Variants in RAD50 observed in about 807,000 individuals in gnomAD.
The protein encoded by RAD50 is DNA repair protein RAD50.
Under a neutral mutation model 168.8 loss-of-function variants are expected in RAD50, and 132 were observed. That is an observed-to-expected ratio of 0.78 (90% CI 0.68 to 0.90). The LOEUF is 0.90. RAD50 is among the 40% of genes least tolerant of loss of function. The pLI is 0.00. For synonymous variants in RAD50, 525 were observed against 497.4 expected, an observed-to-expected ratio of 1.06 and a Z score of -0.74; for missense variants, 1,347 against 1,534.4, an observed-to-expected ratio of 0.88 and a Z score of 2.04.
chr5:132,579,990 T>G lies in RAD50; in HGVS notation c.680T>G (p.Ile227Ser), dbSNP rs786203447. 4 of 1,613,326 alleles carry G rather than the reference T, an allele frequency of 2.5e-6. No homozygotes were observed. Among genetic ancestry groups the G allele is most frequent in the Non-Finnish European group, 3.4e-6 (4 of 1,179,356 alleles). Residue 227 changes from isoleucine to serine, a missense_variant, in exon 5 of 25, where the codon ATT (isoleucine) becomes AGT (serine). Physicochemically the swap from Ile to Ser is moderately radical, Grantham distance 142. Coordinates refer to ENST00000378823, the MANE Select transcript of RAD50 (RefSeq NM_005732.4). Reference sequence around the variant, plus strand: ...AAAGCTTGTGAGATTCGTGATCAGATTACAAGTAAGGAAGCCCAGTTAACA... The same window carrying G: ...AAAGCTTGTGAGATTCGTGATCAGAGTACAAGTAAGGAAGCCCAGTTAACA... ...KEKACEIRDQ[I>S]TSKEAQLTSS... is the part of the protein sequence containing the mutation.
chr5:132,625,439 G>A (rs977690334), intron 21 of RAD50, among the ~76,000 whole-genome samples: 7 of 151,946 alleles, frequency 4.6e-5, no homozygotes, highest in South Asian at 2.1e-4. Context: ...CTATATAGCC[G>A]GTATATTTAT....
At chr5:132,565,248 T>A (rs924168978) in intron 2 of RAD50, among the ~76,000 whole-genome samples, 1 of 151,988 alleles carries the variant, frequency 6.6e-6, no homozygotes, top group African/African-American at 2.4e-5. Context: ...TGTGGAACTG[T>A]GAGCCAATTA....
chr5:132,617,158 G>A (rs988869709), intron 20 of RAD50, among the ~76,000 whole-genome samples: 2 of 152,214 alleles, frequency 1.3e-5, no homozygotes, highest in East Asian at 1.9e-4. Context: ...TCTTTTACAC[G>A]ATACTCTCCA....
At chr5:132,640,068 AG>A (rs1291376690) in intron 23 of RAD50, among the ~76,000 whole-genome samples, 1 of 152,218 alleles carries the variant, frequency 6.6e-6, no homozygotes, top group African/African-American at 2.4e-5. Context: ...TTAGGTTTCT[AG>A]TAACCACGAA....
intron 5 of RAD50, among the ~76,000 whole-genome samples, chr5:132,584,778 A>C (rs1233311443): frequency 2.0e-5 from 3 of 152,142 alleles, no homozygotes; most frequent in African/African-American, 4.8e-5. Context: ...AAAAATGATG[A>C]GTTCATGTCC....
intron 15 of RAD50, 118 bp from the exon 16 acceptor site, chr5:132,604,688 T>A (rs759840947): frequency 1.1e-5 from 9 of 856,208 alleles, no homozygotes; most frequent in Non-Finnish European, 1.7e-5. Flanking sequence ...TTGCAGTGGG[T>A]GGGGCCCACA....
chr5:132,602,845 A>G (rs1470562784), intron 13 of RAD50, among the ~76,000 whole-genome samples: 3 of 152,174 alleles, frequency 2.0e-5, no homozygotes, highest in Non-Finnish European at 4.4e-5. Context: ...AGGCTCCTGC[A>G]GTCTGTAACA....
chr5:132,595,329 G>C lies in RAD50; in HGVS notation c.1970-244G>C, dbSNP rs1750770623. ...TAGAACAGTGCCTGGCACATAGAAA[G>C]CTCTCAGTAGGCATTTTGTTATACT... is the stretch of plus-strand genomic sequence containing the variant. On this transcript the variant is annotated intron_variant, in intron 12 of 24. Transcript: ENST00000378823. The C allele has an allele frequency of 1.5e-5, 8 of 519,764 alleles. No individual in the cohort carries two copies. The South Asian group carries it at 2.0e-4, about 13-fold the overall frequency. The allele number at this position is 519,764 out of a possible 1,614,324, so 32.2% of individuals were successfully genotyped here. A position where few individuals can be genotyped will look rare whatever the true frequency, so the allele number is the denominator to read the frequency against.
intron 21 of RAD50, among the ~76,000 whole-genome samples, chr5:132,622,544 CA>C (rs1751304159): frequency 6.6e-6 from 1 of 151,976 alleles, no homozygotes; most frequent in Non-Finnish European, 1.5e-5. Context: ...CTAGGCCTCC[CA>C]AAGTGCTAGG....
At chr5:132,598,152 A>G (rs1303359907) in intron 13 of RAD50, among the ~76,000 whole-genome samples, 3 of 151,908 alleles carry the variant, frequency 2.0e-5, no homozygotes, top group Non-Finnish European at 4.4e-5. Context: ...GGTTCAAGCA[A>G]TTCCCCTGCC....
chr5:132,631,790 T>C (rs10056700), intron 21 of RAD50, among the ~76,000 whole-genome samples: 66,192 of 151,974 alleles, frequency 0.44, 18,456 homozygotes, highest in African/African-American at 0.8. Context: ...ACTGCAGCCT[T>C]GACTTCCTGG....
chr5:132,569,735 T>C (rs1750268385), intron 2 of RAD50, among the ~76,000 whole-genome samples: 1 of 152,194 alleles, frequency 6.6e-6, no homozygotes, highest in South Asian at 2.1e-4. Flanking sequence ...TTCTGGACTG[T>C]AAAACAAGTG....
chr5:132,588,751 G>A lies in RAD50; in HGVS notation c.1116G>A (p.Gln372=), dbSNP rs978452706. ...TCCGAGCTAGAGATTCATTAATTCA[G>A]TCTTTGGCAACACAGCTAGAATTGG... ...EHIRARDSLI[Q]SLATQLELDG... The change falls in exon 8 of 25, where the codon CAG becomes CAA. Residue 372 remains glutamine, a synonymous_variant. Coordinates refer to ENST00000378823, the MANE Select transcript of RAD50 (RefSeq NM_005732.4). 1 of 1,613,974 alleles carries A rather than the reference G, an allele frequency of 6.2e-7. No individual in the cohort carries two copies. The highest frequency in any genetic ancestry group is 8.5e-7 in the Non-Finnish European group (1 of 1,179,946).
chr5:132,639,321 C>G (rs938394593), intron 23 of RAD50, among the ~76,000 whole-genome samples: 3 of 144,012 alleles, frequency 2.1e-5, no homozygotes, highest in Non-Finnish European at 3.0e-5. Context: ...CCATTGCACT[C>G]CAGCCCAGGC....
intron 5 of RAD50, 87 bp downstream of exon 5, chr5:132,580,153 C>A (rs977640079): frequency 8.7e-7 from 1 of 1,150,322 alleles, no homozygotes; most frequent in Non-Finnish European, 1.3e-6. Context: ...ACATCGTGGA[C>A]TGGCTAAATC....
intron 14 of RAD50, 37 bp downstream of exon 14, chr5:132,603,526 T>C (rs748443135): frequency 6.3e-7 from 1 of 1,588,696 alleles, no homozygotes; most frequent in Non-Finnish European, 8.6e-7. Flanking sequence ...ATAAAACTTG[T>C]TCCATGGTGG....
chr5:132,589,421 A>G lies in RAD50; in HGVS notation c.1246-210A>G, dbSNP rs2706360. On this transcript the variant is annotated intron_variant, in intron 8 of 24. Transcript: ENST00000378823. The stretch of plus-strand genomic sequence containing the variant: ...ACCATATAGTCTATGTGTGTATTAA[A>G]CTATACCATGTAGGCTTATGTAAAT... 0.12 allele frequency among the ~76,000 whole-genome samples: 17,948 copies of G among 152,170 alleles called. 3,412 individuals are homozygous for G. The highest frequency in any genetic ancestry group is 0.4 in the African/African-American group (16,740 of 41,458).
chr5:132,579,222 A>C (rs985286888), intron 3 of RAD50, 95 bp from the exon 4 acceptor site: 40 of 1,305,400 alleles, frequency 3.1e-5, no homozygotes, highest in Non-Finnish European at 4.0e-5. Flanking sequence ...CTTTTTTTTT[A>C]TTCTTTTAAA....
chr5:132,627,954 T>G (rs1278826547), intron 21 of RAD50, among the ~76,000 whole-genome samples: 2 of 152,202 alleles, frequency 1.3e-5, no homozygotes, highest in African/African-American at 4.8e-5. Flanking sequence ...TTGACAGGCC[T>G]TGCTTCTGAA....
Sources: gnomAD v4.1 joint callset for allele counts (sites outside exome capture counted in the v4.1 genomes callset) on GRCh38, gnomAD v4.1.1 for gene constraint, MANE v1.5 for transcripts, NCBI Gene and HGNC (gene_info 2026-07-23, HGNC 2026-07-21) for gene names.